SMIM13: variants seen among roughly 807,000 people sequenced by gnomAD.
SMIM13 encodes the protein small integral membrane protein 13, also known as UPF0766 protein C6orf228.
A neutral mutation model predicts 5.9 loss-of-function variants in SMIM13; 3 were observed. The observed-to-expected ratio is 0.51, with a 90% confidence interval of 0.23 to 1.31. The LOEUF is 1.31. Ranked by LOEUF, SMIM13 falls within the 40% of genes most tolerant of loss-of-function variation. The pLI is 0.18. For missense variants in SMIM13, 85 were observed against 109.9 expected, an observed-to-expected ratio of 0.77 and a Z score of 1.01; for synonymous variants, 55 against 46.0, an observed-to-expected ratio of 1.19 and a Z score of -0.79.
rs927837751 is a variant in SMIM13 at position 11,135,055 on chromosome 6, T to G, written c.*453T>G. On this transcript the variant is annotated 3_prime_UTR_variant, in exon 2 of 2. Coordinates refer to ENST00000416247, the MANE Select transcript of SMIM13 (RefSeq NM_001135575.2). ...TACAGCTTGTCATCGTGTCATCCCTTTAACCAACATGTGTTTTGTTGGTAT... is the reference window on the plus strand; with the variant it reads ...TACAGCTTGTCATCGTGTCATCCCTGTAACCAACATGTGTTTTGTTGGTAT... 1.3e-5 allele frequency: 2 copies of G among 152,808 alleles called. No homozygotes were observed. Among genetic ancestry groups the G allele is most frequent in the African/African-American group, 4.8e-5 (2 of 41,472 alleles). The allele number at this position is 152,808 out of a possible 1,614,324, so 9.5% of individuals were successfully genotyped here.
At chr6:11,133,923 C>T (rs975623374) in intron 1 of SMIM13, among the ~76,000 whole-genome samples, 8 of 151,836 alleles carry the variant, frequency 5.3e-5, no homozygotes, top group Middle Eastern at 6.8e-3. Context: ...CAGAAACTTA[C>T]GAATAGCTTG....
chr6:11,123,344 C>G (rs1251805281), intron 1 of SMIM13, among the ~76,000 whole-genome samples: 1 of 152,242 alleles, frequency 6.6e-6, no homozygotes, highest in Non-Finnish European at 1.5e-5. Flanking sequence ...CGTGCTCTCT[C>G]AGACACCTCT....
intron 1 of SMIM13, chr6:11,104,048 G>A: frequency 6.4e-7 from 1 of 1,551,694 alleles, no homozygotes. Flanking sequence ...CCGTTAACAT[G>A]TCTAGTCCTC....
intron 1 of SMIM13, among the ~76,000 whole-genome samples, chr6:11,113,183 A>T (rs1265307815): frequency 6.6e-6 from 1 of 152,174 alleles, no homozygotes; most frequent in Non-Finnish European, 1.5e-5. Context: ...GTGTAGACAT[A>T]TGTTTTCATT....
intron 1 of SMIM13, among the ~76,000 whole-genome samples, chr6:11,118,523 C>A (rs1397389742): frequency 6.6e-6 from 1 of 152,180 alleles, no homozygotes; most frequent in East Asian, 1.9e-4. Flanking sequence ...ACTGATTAAA[C>A]CATACGTTTC....
At chr6:11,113,658 C>A (rs1758199240) in intron 1 of SMIM13, among the ~76,000 whole-genome samples, 1 of 151,494 alleles carries the variant, frequency 6.6e-6, no homozygotes, top group African/African-American at 2.4e-5. Flanking sequence ...TCACTGCAGC[C>A]CCCGCCTCCT....
chr6:11,100,279 C>G (rs1413024029), intron 1 of SMIM13, among the ~76,000 whole-genome samples: 1 of 152,094 alleles, frequency 6.6e-6, no homozygotes, highest in Non-Finnish European at 1.5e-5. Context: ...CCAGGATGGT[C>G]TCGATCTGCT....
chr6:11,126,242 A>G (rs189113493), intron 1 of SMIM13, among the ~76,000 whole-genome samples: 4,298 of 152,008 alleles, frequency 0.028, 76 homozygotes, highest in South Asian at 0.076. Flanking sequence ...TAGGGGCGGG[A>G]TTTCACTATG....
chr6:11,134,255 C>T, intron 1 of SMIM13, 148 bp from the exon 2 acceptor site: 2 of 519,196 alleles, frequency 3.9e-6, no homozygotes, highest in Non-Finnish European at 6.5e-6. Context: ...ATTCCTTGTA[C>T]AAAAAATGTT....
chr6:11,125,139 A>G (rs925625289), intron 1 of SMIM13, among the ~76,000 whole-genome samples: 1 of 151,188 alleles, frequency 6.6e-6, no homozygotes, highest in Non-Finnish European at 1.5e-5. Context: ...TCAGCTGGGC[A>G]TGGTGGTGTG....
rs376145063 is a variant in SMIM13 at position 11,094,358 on chromosome 6, G to C, written c.45G>C (p.Thr15=). The change falls in exon 1 of 2, where the codon ACG becomes ACC. Residue 15 remains threonine (T), a synonymous_variant. Transcript: ENST00000416247. ...TGACTCTGCTTGTGTTCGTGGCCACGCTGCTGATCGTCCTGCTGCTGATGG... is the reference window on the plus strand; with the variant it reads ...TGACTCTGCTTGTGTTCGTGGCCACCCTGCTGATCGTCCTGCTGCTGATGG... ...VGLTLLVFVA[T]LLIVLLLMVC... is the part of the protein sequence containing the mutation. 2 of 1,537,022 alleles carry C rather than the reference G, an allele frequency of 1.3e-6. No individual in the cohort carries two copies. Among genetic ancestry groups the C allele is most frequent in the Non-Finnish European group, 8.7e-7 (1 of 1,143,638 alleles).
intron 1 of SMIM13, among the ~76,000 whole-genome samples, chr6:11,125,141 G>A (rs1561759220): frequency 6.6e-6 from 1 of 151,536 alleles, no homozygotes; most frequent in Non-Finnish European, 1.5e-5. Context: ...AGCTGGGCAT[G>A]GTGGTGTGCG....
intron 1 of SMIM13, among the ~76,000 whole-genome samples, chr6:11,107,744 TG>T (rs1335052372): frequency 6.6e-6 from 1 of 152,242 alleles, no homozygotes; most frequent in Non-Finnish European, 1.5e-5. Context: ...TCTCAGGTCC[TG>T]GACTAGCCTG....
chr6:11,106,837 A>T (rs1028708011), intron 1 of SMIM13, among the ~76,000 whole-genome samples: 8 of 152,202 alleles, frequency 5.3e-5, no homozygotes. Flanking sequence ...TAATAGCTCT[A>T]AGATTTGAGG....
At chr6:11,112,741 T>C (rs1014582291) in intron 1 of SMIM13, among the ~76,000 whole-genome samples, 1 of 152,230 alleles carries the variant, frequency 6.6e-6, no homozygotes, top group African/African-American at 2.4e-5. Context: ...ACAATTTGTT[T>C]ATCCATTTAC....
At position 11,117,992 on chromosome 6, in the gene SMIM13, T is replaced by G. The variant is rs188813530; in HGVS notation, c.77-16411T>G. 3.7e-3 allele frequency among the ~76,000 whole-genome samples: 562 copies of G among 152,326 alleles called. 4 individuals carry two copies. Among genetic ancestry groups the G allele is most frequent in the South Asian group, 0.019 (93 of 4,832 alleles). ...CTCAGGTGACCCGCCCGCCTCGGCC[T>G]CCCAAAGTGCTGGGATTACAGGTGC... On this transcript the variant is annotated intron_variant, in intron 1 of 1. Transcript: ENST00000416247.
chr6:11,113,783 G>A (rs550249631), intron 1 of SMIM13, among the ~76,000 whole-genome samples: 6 of 152,014 alleles, frequency 3.9e-5, no homozygotes, highest in South Asian at 4.2e-4. Context: ...CACCATGTTG[G>A]CCAGGCTGGT....
At chr6:11,133,427 C>T (rs1412123194) in intron 1 of SMIM13, among the ~76,000 whole-genome samples, 2 of 152,096 alleles carry the variant, frequency 1.3e-5, no homozygotes, top group South Asian at 2.1e-4. Context: ...ACTCCCCTTA[C>T]GTATCTGTTT....
At chr6:11,117,720 G>T (rs948386742) in intron 1 of SMIM13, among the ~76,000 whole-genome samples, 28 of 151,066 alleles carry the variant, frequency 1.9e-4, no homozygotes, top group African/African-American at 6.8e-4. Context: ...CATTTAATGG[G>T]ACTTATGATA....
Sources: gnomAD v4.1 joint callset for allele counts (sites outside exome capture counted in the v4.1 genomes callset) on GRCh38, gnomAD v4.1.1 for gene constraint, MANE v1.5 for transcripts, NCBI Gene and HGNC (gene_info 2026-07-23, HGNC 2026-07-21) for gene names.